SEMA6D: variants seen among roughly 807,000 people sequenced by gnomAD.
SEMA6D encodes the protein semaphorin-6D.
SEMA6D carries 35 observed loss-of-function variants against 106.6 expected under a neutral mutation model. The observed-to-expected ratio is 0.33, with a 90% confidence interval of 0.25 to 0.44. The LOEUF is 0.44. SEMA6D is among the 20% of genes least tolerant of loss of function. The probability of loss-of-function intolerance (pLI) is 1.00; values close to 1 mark genes in which losing one functional copy is unlikely to be tolerated. For synonymous variants in SEMA6D, 499 were observed against 487.7 expected (o/e 1.02, Z -0.31); for missense variants, 1,185 against 1,345.9 (o/e 0.88, Z 1.87).
At chr15:47,639,127 C>A (rs889122482) in intron 4 of SEMA6D, among the ~76,000 whole-genome samples, 8 of 152,068 alleles carry the variant, frequency 5.3e-5, no homozygotes, top group African/African-American at 1.9e-4. Flanking sequence ...AGGTTGAGGG[C>A]AGATCTCTTT....
At chr15:47,711,258 C>T (rs1187525781) in intron 4 of SEMA6D, among the ~76,000 whole-genome samples, 1 of 135,342 alleles carries the variant, frequency 7.4e-6, no homozygotes, top group Non-Finnish European at 1.5e-5. Flanking sequence ...TGCAGTGAGC[C>T]GAGATCCCGC....
intron 4 of SEMA6D, among the ~76,000 whole-genome samples, chr15:47,653,689 T>C (rs1278597702): frequency 1.3e-5 from 2 of 152,272 alleles, no homozygotes; most frequent in Non-Finnish European, 2.9e-5. Context: ...TACTAATATT[T>C]CATATGCCTT....
At chr15:47,487,249 T>A (rs377484934) in intron 3 of SEMA6D, among the ~76,000 whole-genome samples, 12 of 152,194 alleles carry the variant, frequency 7.9e-5, no homozygotes, top group African/African-American at 2.9e-4. Context: ...ATAAGAACCT[T>A]AGAGAATGAG....
At chr15:47,359,049 A>G (rs1010689683) in intron 1 of SEMA6D, among the ~76,000 whole-genome samples, 2 of 151,866 alleles carry the variant, frequency 1.3e-5, no homozygotes, top group African/African-American at 4.8e-5. Flanking sequence ...TGATCATGTC[A>G]TGCCCTTAGG....
chr15:47,202,483 A>G (rs1298586002), intron 1 of SEMA6D, among the ~76,000 whole-genome samples: 2 of 152,184 alleles, frequency 1.3e-5, no homozygotes, highest in South Asian at 4.2e-4. Context: ...CACACTGTAC[A>G]TGCTCACCTC....
chr15:47,761,624 A>T, intron 6 of SEMA6D, 37 bp from the exon 7 acceptor site: 1 of 1,496,356 alleles, frequency 6.7e-7, no homozygotes, highest in South Asian at 1.2e-5. Context: ...GGCACGTTGA[A>T]TAGATATGAC....
chr15:47,675,742 GTCTT>G (rs1032353371), intron 4 of SEMA6D, among the ~76,000 whole-genome samples: 3 of 152,278 alleles, frequency 2.0e-5, no homozygotes, highest in African/African-American at 7.2e-5. Flanking sequence ...ACTTCCTTCT[GTCTT>G]TCTGTTTCAC....
chr15:47,703,493 G>A (rs557806386), intron 4 of SEMA6D, among the ~76,000 whole-genome samples: 69 of 151,972 alleles, frequency 4.5e-4, no homozygotes, highest in African/African-American at 1.6e-3. Context: ...AAACTTTCAC[G>A]TGCATCACTA....
intron 3 of SEMA6D, among the ~76,000 whole-genome samples, chr15:47,594,832 A>T (rs2076505677): frequency 6.6e-6 from 1 of 152,152 alleles, no homozygotes; most frequent in South Asian, 2.1e-4. Flanking sequence ...GTAGATTTTG[A>T]AGGAGGAGCA....
chr15:47,551,107 T>C (rs1435747), intron 3 of SEMA6D, among the ~76,000 whole-genome samples: 150,936 of 152,284 alleles, frequency 0.99, 74,811 homozygotes, highest in Middle Eastern at 1. Context: ...AAGGTTTTCA[T>C]CTTTTGATTG....
rs545322356 is a variant in SEMA6D, at chr15:47,674,238, A to C, written c.-55+73342A>C. Among the ~76,000 whole-genome samples, 4 of 152,306 alleles carry C rather than the reference A, an allele frequency of 2.6e-5. No homozygotes were observed. The East Asian group carries it at 7.7e-4, about 29-fold the overall frequency. ...GAACTGAGTGTCTATTTCAGAAATC[A>C]GTTTTAGGGTAATTTTCACATCTGA... is the stretch of plus-strand genomic sequence containing the variant. On this transcript the variant is annotated intron_variant, in intron 4 of 19. Coordinates refer to the SEMA6D transcript ENST00000558014.
chr15:47,292,777 A>G (rs746588371), intron 1 of SEMA6D, among the ~76,000 whole-genome samples: 5 of 152,214 alleles, frequency 3.3e-5, no homozygotes, highest in Admixed American at 6.5e-5. Context: ...TACTGTGTAC[A>G]GGGTGAGCAA....
chr15:47,726,105 A>G (rs986838152), intron 1 of SEMA6D, among the ~76,000 whole-genome samples: 2 of 152,254 alleles, frequency 1.3e-5, no homozygotes, highest in African/African-American at 4.8e-5. Flanking sequence ...AGCGAAGGGC[A>G]AGCTGCCTCC....
At chr15:47,501,167 G>A (rs1364290082) in intron 3 of SEMA6D, among the ~76,000 whole-genome samples, 1 of 152,112 alleles carries the variant, frequency 6.6e-6, no homozygotes, top group Non-Finnish European at 1.5e-5. Flanking sequence ...ATTTGCATTA[G>A]AAATGTAGCT....
intron 1 of SEMA6D, among the ~76,000 whole-genome samples, chr15:47,340,261 GA>G (rs1252347501): frequency 6.6e-6 from 1 of 152,058 alleles, no homozygotes; most frequent in Non-Finnish European, 1.5e-5. Context: ...GGAAATTGAG[GA>G]GAATGGAGAG....
intron 4 of SEMA6D, among the ~76,000 whole-genome samples, chr15:47,644,471 C>A (rs2077544715): frequency 6.6e-6 from 1 of 152,172 alleles, no homozygotes; most frequent in African/African-American, 2.4e-5. Flanking sequence ...TTGAATGTGT[C>A]CCCTCAAAAT....
chr15:47,653,433 A>G (rs905414405), intron 4 of SEMA6D, among the ~76,000 whole-genome samples: 9 of 152,220 alleles, frequency 5.9e-5, no homozygotes, highest in African/African-American at 2.2e-4. Context: ...TCTCAAACCC[A>G]GAGAAAATGC....
chr15:47,477,403 G>A (rs568865085), intron 3 of SEMA6D, among the ~76,000 whole-genome samples: 3 of 152,178 alleles, frequency 2.0e-5, no homozygotes, highest in South Asian at 4.2e-4. Context: ...CCCAACCCTG[G>A]CCAGCTGCCA....
chr15:47,491,203 C>T (rs1331501604), intron 3 of SEMA6D, among the ~76,000 whole-genome samples: 1 of 152,126 alleles, frequency 6.6e-6, no homozygotes, highest in Admixed American at 6.5e-5. Flanking sequence ...TTTTCCTGCT[C>T]TTTGCCCACC....
Sources: gnomAD v4.1 joint callset for allele counts (sites outside exome capture counted in the v4.1 genomes callset) on GRCh38, gnomAD v4.1.1 for gene constraint, MANE v1.5 for transcripts, NCBI Gene and HGNC (gene_info 2026-07-23, HGNC 2026-07-21) for gene names.